ANKRD36B: variants seen among roughly 807,000 people sequenced by gnomAD.
The protein encoded by ANKRD36B is ankyrin repeat domain-containing protein 36B.
A neutral mutation model predicts 135.7 loss-of-function variants in ANKRD36B; 37 were observed. That is an observed-to-expected ratio of 0.27 (90% CI 0.21 to 0.36). The LOEUF (loss-of-function observed/expected upper bound fraction) is 0.36, where lower values mean the gene tolerates loss of function less well. Ranked by LOEUF, ANKRD36B falls within the 10% of genes least tolerant of loss-of-function variation. ANKRD36B has a pLI of 1.00. For missense variants in ANKRD36B, 549 were observed against 1,037.1 expected (o/e 0.53, Z 6.46); for synonymous variants, 179 against 348.1 (o/e 0.51, Z 5.41).
At position 97,569,691 on chromosome 2, in the gene ANKRD36B, A is replaced by G. The variant is rs116846782; in HGVS notation, c.763+6688T>C. ...GAAAAATCTCTTTAGGTTCTTTTCA[A>G]TATTGCTGAGAATATTAAACTGCTC... On this transcript the variant is annotated intron_variant, in intron 6 of 43. Coordinates refer to ENST00000359901, the MANE Select transcript of ANKRD36B (RefSeq NM_001393939.1). 6.6e-3 allele frequency among the ~76,000 whole-genome samples: 1,009 copies of G among 152,272 alleles called. 51 individuals are homozygous for G. In the East Asian group the frequency reaches 0.11, roughly 16 times the overall value.
At chr2:97,556,695 A>C (rs1340833134) in intron 12 of ANKRD36B, among the ~76,000 whole-genome samples, 3 of 151,878 alleles carry the variant, frequency 2.0e-5, no homozygotes, top group East Asian at 3.9e-4. Flanking sequence ...TTATGTCTTC[A>C]ACTGTTTTCC....
intron 14 of ANKRD36B, among the ~76,000 whole-genome samples, chr2:97,554,819 C>A (rs570583170): frequency 5.9e-5 from 9 of 152,026 alleles, no homozygotes; most frequent in African/African-American, 1.9e-4. Flanking sequence ...ATGTCTTGAT[C>A]TGCTCTCCAA....
intron 6 of ANKRD36B, among the ~76,000 whole-genome samples, chr2:97,569,953 A>G (rs1343847168): frequency 6.6e-6 from 1 of 152,194 alleles, no homozygotes. Context: ...AATTATAAAC[A>G]GAAATTTAAC....
In ANKRD36B at chr2:97,558,795, T is replaced by C; in HGVS notation, c.967+4A>G. ...ATGACATTAAATGTGTTTTGCAAAATTACCTGTCCCAGATTGTTGTCCCTC... is the reference window on the plus strand; with the variant it reads ...ATGACATTAAATGTGTTTTGCAAAACTACCTGTCCCAGATTGTTGTCCCTC... On this transcript the variant is annotated splice_donor_region_variant and intron_variant, in intron 10 of 43. Transcript: ENST00000359901. The C allele has an allele frequency of 6.2e-7, 1 of 1,611,206 alleles. No homozygotes were observed. The highest frequency in any genetic ancestry group is 8.5e-7 in the Non-Finnish European group (1 of 1,178,588).
At chr2:97,548,888 C>T (rs2079757269) in intron 20 of ANKRD36B, among the ~76,000 whole-genome samples, 1 of 151,870 alleles carries the variant, frequency 6.6e-6, no homozygotes, top group Non-Finnish European at 1.5e-5. Context: ...CTCAGGTTTC[C>T]TCAGCACAAA....
At chr2:97,562,405 A>T (rs1199261729) in intron 6 of ANKRD36B, among the ~76,000 whole-genome samples, 1 of 151,944 alleles carries the variant, frequency 6.6e-6, no homozygotes, top group South Asian at 2.1e-4. Flanking sequence ...CTCAGCAAAC[A>T]CAGCTTTCCA....
rs2077519018 is a variant in ANKRD36B at position 97,511,216 on chromosome 2, GTCT to G, written c.3639_3641del (p.Glu1213del). The stretch of plus-strand genomic sequence containing the variant: ...TCAGTTCATTGACCAACATTTTATT[GTCT>G]TCTTCTAGTAAAAGACGGTGCTTTC... On this transcript the variant is annotated inframe_deletion, in exon 39 of 44. Transcript: ENST00000359901. 3 of 476,586 alleles carry G rather than the reference GTCT, an allele frequency of 6.3e-6. No homozygotes were observed. The highest frequency in any genetic ancestry group is 1.1e-5 in the Non-Finnish European group (3 of 281,744). 29.5% of individuals were successfully genotyped at this position (476,586 alleles called of 1,614,324 possible). A position where few individuals can be genotyped will look rare whatever the true frequency, so the allele number is the denominator to read the frequency against.
intron 20 of ANKRD36B, among the ~76,000 whole-genome samples, 194 bp from the exon 21 acceptor site, chr2:97,547,925 AT>A (rs1476513317): frequency 6.6e-6 from 1 of 151,802 alleles, no homozygotes; most frequent in Non-Finnish European, 1.5e-5. Context: ...TCCATGAAAA[AT>A]ACTCTTATAA....
intron 6 of ANKRD36B, among the ~76,000 whole-genome samples, chr2:97,562,921 T>C (rs1216315765): frequency 6.6e-6 from 1 of 152,018 alleles, no homozygotes; most frequent in African/African-American, 2.4e-5. Flanking sequence ...ATCTATCATC[T>C]CTTATTTTGT....
chr2:97,556,942 C>T lies in ANKRD36B; in HGVS notation c.1064G>A (p.Gly355Glu), dbSNP rs1329835075. The change falls in exon 12 of 44, where the codon GGA (glycine) becomes GAA (glutamate). Residue 355 changes from glycine (G) to glutamate (E), a missense_variant. Physicochemically the swap from Gly to Glu is moderately conservative, Grantham distance 98. Coordinates refer to ENST00000359901, the MANE Select transcript of ANKRD36B (RefSeq NM_001393939.1). ...AATGTGTATTGCCAAATTACCTGTTCCAGATTTCCCACCGCCCATTATTCT... is the reference window on the plus strand; with the variant it reads ...AATGTGTATTGCCAAATTACCTGTTTCAGATTTCCCACCGCCCATTATTCT... Reference protein sequence around the residue: ...ATRIMGGGKSGTVSSQKQPAS... With the variant: ...ATRIMGGGKSETVSSQKQPAS... 1.9e-6 allele frequency: 3 copies of T among 1,588,086 alleles called. No individual in the cohort carries two copies. Among genetic ancestry groups the T allele is most frequent in the East Asian group, 4.6e-5 (2 of 43,600 alleles).
intron 32 of ANKRD36B, among the ~76,000 whole-genome samples, chr2:97,537,511 C>G (rs1304015717): frequency 2.1e-5 from 2 of 96,750 alleles, no homozygotes; most frequent in African/African-American, 6.2e-5. Context: ...AATAATGAGG[C>G]ACTGTGATTT....
rs552181918 is a variant in ANKRD36B, at chr2:97,571,518, T to G, written c.763+4861A>C. 3.7e-4 allele frequency among the ~76,000 whole-genome samples: 56 copies of G among 152,010 alleles called. 1 individual carries two copies. The East Asian group carries it at 3.7e-3, about 10-fold the overall frequency. ...AAAATTAGCTGGGCGTGGTGGTGCATGCCTGTAGTCCCAGCTACCTGGGAG... is the reference window on the plus strand; with the variant it reads ...AAAATTAGCTGGGCGTGGTGGTGCAGGCCTGTAGTCCCAGCTACCTGGGAG... On this transcript the variant is annotated intron_variant, in intron 6 of 43. Coordinates refer to ENST00000359901, the MANE Select transcript of ANKRD36B (RefSeq NM_001393939.1).
chr2:97,563,423 GA>G (rs2081195031), intron 6 of ANKRD36B, among the ~76,000 whole-genome samples: 1 of 106,372 alleles, frequency 9.4e-6, no homozygotes, highest in Admixed American at 8.6e-5. Flanking sequence ...TTTCAGAAGA[GA>G]AAAAAATACA....
intron 3 of ANKRD36B, among the ~76,000 whole-genome samples, chr2:97,582,365 T>A (rs1390764933): frequency 2.6e-5 from 4 of 151,724 alleles, no homozygotes; most frequent in Non-Finnish European, 5.9e-5. Context: ...TTGAAAACCT[T>A]GAAATATTTA....
intron 6 of ANKRD36B, among the ~76,000 whole-genome samples, chr2:97,567,614 TTCAGTTACCCATGG>T (rs1270249573): frequency 6.6e-6 from 1 of 152,118 alleles, no homozygotes; most frequent in African/African-American, 2.4e-5. Context: ...TGACTGCAGA[TTCAGTTACCCATGG>T]TCAACCATGG....
Position 97,544,905 on chromosome 2 carries a change from T to C in ANKRD36B, c.1681+761A>G, listed in dbSNP as rs2079331483. Among the ~76,000 whole-genome samples the C allele has an allele frequency of 2.1e-5, 2 of 96,116 alleles. 1 individual carries two copies. Among genetic ancestry groups the C allele is most frequent in the African/African-American group, 6.2e-5 (2 of 32,292 alleles). The allele number at this position is 96,116 out of a possible 152,430, so 63.1% of individuals were successfully genotyped here. A position where few individuals can be genotyped will look rare whatever the true frequency, so the allele number is the denominator to read the frequency against. ...GCTATTTTATCCAAGACTTAGCTCC[T>C]TGAACTTTGAAGCCAATGTATTCAT... On this transcript the variant is annotated intron_variant, in intron 24 of 43. Coordinates refer to ENST00000359901, the MANE Select transcript of ANKRD36B (RefSeq NM_001393939.1).
chr2:97,559,096 A>C, intron 8 of ANKRD36B, 102 bp from the exon 9 acceptor site: 1 of 1,513,228 alleles, frequency 6.6e-7, no homozygotes, highest in East Asian at 2.3e-5. Context: ...TCCTGCCTGT[A>C]CTAGTGTAGG....
rs1317911390 is a variant in ANKRD36B, at chr2:97,556,495, G to A, written c.1069+442C>T. 1.2e-4 allele frequency among the ~76,000 whole-genome samples: 18 copies of A among 151,886 alleles called. No homozygotes were observed. The East Asian group carries it at 2.1e-3, about 18-fold the overall frequency. On this transcript the variant is annotated intron_variant, in intron 12 of 43. Coordinates refer to ENST00000359901, the MANE Select transcript of ANKRD36B (RefSeq NM_001393939.1). ...CAATCCCTCTTTCTTGATGAAAATA[G>A]TTACTACATCAGTGGTCACTTTGTT...
At chr2:97,551,732 G>T (rs188707949) in intron 16 of ANKRD36B, among the ~76,000 whole-genome samples, 1 of 151,870 alleles carries the variant, frequency 6.6e-6, no homozygotes, top group Non-Finnish European at 1.5e-5. Flanking sequence ...TAAAATCAAA[G>T]GTTGTCAACA....
Sources: allele counts gnomAD v4.1 joint callset (sites outside exome capture counted in the v4.1 genomes callset), GRCh38; gene constraint gnomAD v4.1.1; transcripts MANE v1.5; gene names NCBI Gene and HGNC (gene_info 2026-07-23, HGNC 2026-07-21).